The following ST18 variants were observed in gnomAD, a reference collection of about 807,000 sequenced individuals.
ST18 encodes ST18 C2H2C-type zinc finger transcription factor, also known as suppression of tumorigenicity 18 protein.
ST18 carries 50 observed loss-of-function variants against 110.0 expected under a neutral mutation model. The ratio of observed to expected loss-of-function variants is 0.45; its 90% CI spans 0.36 to 0.58. The LOEUF is 0.58. Among genes scored for constraint, ST18 ranks in the 20% least tolerant of loss-of-function variants. The pLI is 0.00. For synonymous variants in ST18, 461 were observed against 452.4 expected, an observed-to-expected ratio of 1.02 and a Z score of -0.24; for missense variants, 1,306 against 1,280.1, an observed-to-expected ratio of 1.02 and a Z score of -0.31.
intron 2 of ST18, among the ~76,000 whole-genome samples, chr8:52,393,223 A>G (rs533299099): frequency 1.3e-5 from 2 of 152,156 alleles, no homozygotes; most frequent in Non-Finnish European, 2.9e-5. Flanking sequence ...AATTTAATCA[A>G]CTCAAAATAG....
intron 10 of ST18, among the ~76,000 whole-genome samples, chr8:52,169,129 G>A (rs2133635973): frequency 6.6e-6 from 1 of 152,234 alleles, no homozygotes; most frequent in Middle Eastern, 3.4e-3. Context: ...GTGCCCCTTT[G>A]TCTGTAAGTC....
chr8:52,228,490 G>T (rs780663253), intron 3 of ST18, among the ~76,000 whole-genome samples: 1 of 152,132 alleles, frequency 6.6e-6, no homozygotes, highest in Non-Finnish European at 1.5e-5. Flanking sequence ...TGACTTTTGT[G>T]TGGGAGAGAA....
At chr8:52,127,956 T>C (rs957044541) in intron 22 of ST18, among the ~76,000 whole-genome samples, 1 of 150,312 alleles carries the variant, frequency 6.7e-6, no homozygotes, top group Non-Finnish European at 1.5e-5. Flanking sequence ...ATTACCATTC[T>C]ATTATGACAT....
At chr8:52,247,414 A>G (rs1159555633) in intron 2 of ST18, among the ~76,000 whole-genome samples, 1 of 152,216 alleles carries the variant, frequency 6.6e-6, no homozygotes, top group African/African-American at 2.4e-5. Flanking sequence ...TTGAAGAATG[A>G]CAATTACATT....
chr8:52,314,669 C>A (rs1339172909), intron 2 of ST18, among the ~76,000 whole-genome samples: 3 of 152,166 alleles, frequency 2.0e-5, no homozygotes, highest in Admixed American at 6.5e-5. Flanking sequence ...ATCCAACAAC[C>A]CAACCAACCA....
intron 2 of ST18, among the ~76,000 whole-genome samples, chr8:52,386,565 T>C (rs1369430110): frequency 6.6e-6 from 1 of 152,144 alleles, no homozygotes; most frequent in Non-Finnish European, 1.5e-5. Flanking sequence ...AAATTGTTAG[T>C]TTTATAAAGC....
At chr8:52,312,547 T>A (rs2095938287) in intron 2 of ST18, among the ~76,000 whole-genome samples, 1 of 152,196 alleles carries the variant, frequency 6.6e-6, no homozygotes, top group Admixed American at 6.5e-5. Context: ...AGGATCCAGC[T>A]GAAACCAGAT....
At chr8:52,375,333 A>G (rs6981742) in intron 2 of ST18, among the ~76,000 whole-genome samples, 24,844 of 151,924 alleles carry the variant, frequency 0.16, 3,321 homozygotes, top group African/African-American at 0.37. Flanking sequence ...CTCTCTCAAA[A>G]CCACTGCCTT....
chr8:52,338,209 C>T (rs1813068705), intron 2 of ST18, among the ~76,000 whole-genome samples: 1 of 152,086 alleles, frequency 6.6e-6, no homozygotes, highest in Admixed American at 6.5e-5. Context: ...CAGGCATGTG[C>T]CACCATGTCT....
intron 2 of ST18, among the ~76,000 whole-genome samples, chr8:52,397,408 T>C (rs1841503145): frequency 6.6e-6 from 1 of 152,218 alleles, no homozygotes. Context: ...GGTTTGCAAA[T>C]ATTTTTCCTA....
rs181308559 is a variant in ST18, at chr8:52,260,205, A to G, written c.-464-30128T>C. ...AGTTATTTGCTGAGGAGTGTGGTGT[A>G]TCTATGTATATTTCTATACCTGTAT... is the stretch of plus-strand genomic sequence containing the variant. On this transcript the variant is annotated intron_variant, in intron 2 of 25. Transcript: ENST00000689386. 5.0e-4 allele frequency among the ~76,000 whole-genome samples: 76 copies of G among 152,326 alleles called. No homozygotes were observed. In the South Asian group the frequency reaches 0.011, roughly 22 times the overall value.
chr8:52,265,549 A>G lies in ST18; in HGVS notation c.-464-35472T>C, dbSNP rs147278686. Among the ~76,000 whole-genome samples, 1,055 of 152,344 alleles carry G rather than the reference A, an allele frequency of 6.9e-3. 49 individuals are homozygous for G. Among genetic ancestry groups the G allele is most frequent in the Admixed American group, 0.063 (963 of 15,300 alleles). ...CAGCTTATGTTCTAGAAGGGTGGCCATGGAGATGAAGAAGTATGGTCTATT... is the reference window on the plus strand; with the variant it reads ...CAGCTTATGTTCTAGAAGGGTGGCCGTGGAGATGAAGAAGTATGGTCTATT... On this transcript the variant is annotated intron_variant, in intron 2 of 25. Transcript: ENST00000689386.
rs149769902 is a variant in ST18 at position 52,248,409 on chromosome 8, C to A, written c.-464-18332G>T. 3.3e-3 allele frequency: 495 copies of A among 152,262 alleles called. 4 individuals are homozygous for A. The highest frequency in any genetic ancestry group is 0.011 in the African/African-American group (474 of 41,558). The allele number at this position is 152,262 out of a possible 1,614,324, so 9.4% of individuals were successfully genotyped here. On this transcript the variant is annotated intron_variant, in intron 2 of 25. Transcript: ENST00000689386. ...TACTTTTTAAATGTTTTCGATGAGA[C>A]CTTCAGAGTTTATTAAACCACTGAC...
chr8:52,318,493 C>T (rs1459232186), intron 2 of ST18, among the ~76,000 whole-genome samples: 1 of 152,130 alleles, frequency 6.6e-6, no homozygotes, highest in Non-Finnish European at 1.5e-5. Context: ...AGTGGCAATT[C>T]CTCAAAGACC....
At chr8:52,290,956 G>A (rs771617369) in intron 2 of ST18, among the ~76,000 whole-genome samples, 4 of 152,124 alleles carry the variant, frequency 2.6e-5, no homozygotes, top group Admixed American at 6.5e-5. Flanking sequence ...TCAGTTGCTG[G>A]TGTCTGTCCA....
chr8:52,145,550 T>A (rs1454256641), intron 16 of ST18, among the ~76,000 whole-genome samples: 1 of 152,200 alleles, frequency 6.6e-6, no homozygotes, highest in Non-Finnish European at 1.5e-5. Flanking sequence ...GGAGGCATTT[T>A]ATATTAAATG....
intron 8 of ST18, chr8:52,210,166 C>T (rs944457908): frequency 8.8e-6 from 4 of 455,946 alleles, no homozygotes; most frequent in Non-Finnish European, 1.8e-5. Flanking sequence ...ACATGTCCCC[C>T]ACTTGGAGCA....
intron 2 of ST18, among the ~76,000 whole-genome samples, chr8:52,235,702 G>C (rs889915552): frequency 1.3e-5 from 2 of 152,146 alleles, no homozygotes; most frequent in Non-Finnish European, 2.9e-5. Flanking sequence ...TAGTGAAGTA[G>C]GAAATAATCT....
intron 2 of ST18, among the ~76,000 whole-genome samples, chr8:52,237,890 AAAG>A: frequency 6.6e-6 from 1 of 152,228 alleles, no homozygotes; most frequent in Non-Finnish European, 1.5e-5. Context: ...AACCCAATCA[AAAG>A]TGGGCAAAGG....
Sources: allele counts gnomAD v4.1 joint callset (sites outside exome capture counted in the v4.1 genomes callset), GRCh38; gene constraint gnomAD v4.1.1; transcripts MANE v1.5; gene names NCBI Gene and HGNC (gene_info 2026-07-23, HGNC 2026-07-21).